Variants in NELL1 observed in about 807,000 individuals in gnomAD.
NELL1 encodes protein kinase C-binding protein NELL1.
In NELL1, 76 loss-of-function variants were observed where a neutral mutation model predicts 107.4. The observed-to-expected ratio is 0.71, with a 90% confidence interval of 0.59 to 0.86. The LOEUF (loss-of-function observed/expected upper bound fraction) is 0.86. Among genes scored for constraint, NELL1 ranks in the 40% least tolerant of loss-of-function variants. NELL1 has a pLI of 0.00. For missense variants in NELL1, 1,024 were observed against 1,005.5 expected, an observed-to-expected ratio of 1.02 and a Z score of -0.25; for synonymous variants, 353 against 341.2, an observed-to-expected ratio of 1.03 and a Z score of -0.38.
intron 13 of NELL1, among the ~76,000 whole-genome samples, chr11:21,221,598 C>T (rs958182158): frequency 1.8e-4 from 27 of 152,094 alleles, no homozygotes; most frequent in African/African-American, 6.5e-4. Context: ...TTTCTTTCTG[C>T]TTTAAAATTG....
chr11:20,833,734 A>C (rs1159496055), intron 3 of NELL1, among the ~76,000 whole-genome samples: 1 of 152,144 alleles, frequency 6.6e-6, no homozygotes, highest in Non-Finnish European at 1.5e-5. Context: ...GGGAGGTGAC[A>C]TTTAAAGTGA....
intron 4 of NELL1, among the ~76,000 whole-genome samples, chr11:20,878,176 C>T (rs943757466): frequency 8.6e-5 from 13 of 151,648 alleles, no homozygotes; most frequent in East Asian, 1.9e-4. Flanking sequence ...CTGGCTAACA[C>T]GGTGAAAACC....
At chr11:21,538,072 A>G (rs1442091378) in intron 16 of NELL1, among the ~76,000 whole-genome samples, 1 of 152,146 alleles carries the variant, frequency 6.6e-6, no homozygotes, top group East Asian at 1.9e-4. Flanking sequence ...ATCAACCACT[A>G]ATGCTTACAT....
At chr11:20,940,881 T>C (rs1850838713) in intron 10 of NELL1, among the ~76,000 whole-genome samples, 1 of 152,124 alleles carries the variant, frequency 6.6e-6, no homozygotes, top group African/African-American at 2.4e-5. Context: ...CTTATGCCTG[T>C]AATCCCAGCA....
intron 13 of NELL1, among the ~76,000 whole-genome samples, chr11:21,184,441 T>G (rs959168153): frequency 2.0e-5 from 3 of 151,666 alleles, no homozygotes; most frequent in Non-Finnish European, 1.5e-5. Context: ...GGCTAAATTC[T>G]GTATTTTTAG....
At chr11:21,280,134 A>G (rs1480609002) in intron 14 of NELL1, among the ~76,000 whole-genome samples, 3 of 152,194 alleles carry the variant, frequency 2.0e-5, no homozygotes, top group Non-Finnish European at 4.4e-5. Context: ...ACAATGGTGG[A>G]TACCTATCAT....
intron 2 of NELL1, among the ~76,000 whole-genome samples, chr11:20,782,474 T>C (rs1856870585): frequency 6.6e-6 from 1 of 152,210 alleles, no homozygotes; most frequent in Non-Finnish European, 1.5e-5. Context: ...GGGAAGGTTC[T>C]AAGAGATCAC....
intron 2 of NELL1, among the ~76,000 whole-genome samples, chr11:20,722,022 T>A (rs141785527): frequency 0.63 from 87,993 of 139,232 alleles, 30,014 homozygotes; most frequent in East Asian, 0.92. Flanking sequence ...AGTCTCTCTT[T>A]TTTTTTTTTT....
chr11:20,745,674 T>C (rs950077697), intron 2 of NELL1, among the ~76,000 whole-genome samples: 6 of 152,166 alleles, frequency 3.9e-5, no homozygotes, highest in African/African-American at 1.4e-4. Flanking sequence ...ACTCATGCAA[T>C]TAATAAAAGG....
At chr11:21,250,909 G>A (rs1858621028) in intron 14 of NELL1, among the ~76,000 whole-genome samples, 1 of 152,100 alleles carries the variant, frequency 6.6e-6, no homozygotes, top group African/African-American at 2.4e-5. Flanking sequence ...CACTCTGGTT[G>A]GGAAGCTCTT....
intron 14 of NELL1, among the ~76,000 whole-genome samples, chr11:21,370,351 T>A (rs144122176): frequency 6.6e-6 from 1 of 152,220 alleles, no homozygotes; most frequent in African/African-American, 2.4e-5. Flanking sequence ...ACAGCTTATA[T>A]ATTCAAATGT....
chr11:21,348,710 C>CA (rs1433488655), intron 14 of NELL1, among the ~76,000 whole-genome samples: 2 of 151,824 alleles, frequency 1.3e-5, no homozygotes, highest in Non-Finnish European at 2.9e-5. Context: ...TAGCATGGAG[C>CA]AAAAAATGAC....
In NELL1 at chr11:20,906,643, C is replaced by T. The variant is rs538921161; in HGVS notation, c.604-11539C>T. On this transcript the variant is annotated intron_variant, in intron 5 of 19. Coordinates refer to ENST00000357134, the MANE Select transcript of NELL1 (RefSeq NM_006157.5). Reference sequence around the variant, plus strand: ...CCAACAGTGTATTAAAAGGATTATGCACTATGCCCAAGTGGGATTTATCCC... The same window carrying T: ...CCAACAGTGTATTAAAAGGATTATGTACTATGCCCAAGTGGGATTTATCCC... 9.9e-5 allele frequency among the ~76,000 whole-genome samples: 15 copies of T among 152,110 alleles called. No individual in the cohort carries two copies. In the South Asian group the frequency reaches 3.1e-3, roughly 32 times the overall value.
chr11:21,053,853 C>A (rs554728458), intron 12 of NELL1, among the ~76,000 whole-genome samples: 3 of 152,096 alleles, frequency 2.0e-5, no homozygotes, highest in African/African-American at 7.2e-5. Flanking sequence ...CTTTCTGGAG[C>A]GAATGTGTCT....
At chr11:20,881,536 G>A (rs1849407409) in intron 4 of NELL1, among the ~76,000 whole-genome samples, 1 of 152,150 alleles carries the variant, frequency 6.6e-6, no homozygotes, top group East Asian at 1.9e-4. Flanking sequence ...TTGTTATGAG[G>A]ATTTAGTAAA....
chr11:20,740,055 T>C (rs1258548255), intron 2 of NELL1, among the ~76,000 whole-genome samples: 2 of 152,236 alleles, frequency 1.3e-5, no homozygotes, highest in African/African-American at 4.8e-5. Context: ...AAATAATCTC[T>C]GTTCTGGTGG....
At chr11:21,427,168 G>A (rs946106330) in intron 15 of NELL1, among the ~76,000 whole-genome samples, 2 of 152,100 alleles carry the variant, frequency 1.3e-5, no homozygotes, top group African/African-American at 2.4e-5. Flanking sequence ...TTTTCATGTC[G>A]CTATGTCTCA....
chr11:21,054,116 A>C (rs2134351850), intron 12 of NELL1, among the ~76,000 whole-genome samples: 1 of 152,298 alleles, frequency 6.6e-6, no homozygotes, highest in Non-Finnish European at 1.5e-5. Flanking sequence ...ACCTAGAGAT[A>C]AACCATAGTT....
intron 13 of NELL1, among the ~76,000 whole-genome samples, chr11:21,127,806 G>T (rs530212618): frequency 6.6e-6 from 1 of 152,046 alleles, no homozygotes; most frequent in Non-Finnish European, 1.5e-5. Context: ...TATTTCATAA[G>T]CATTGCCCAA....
Sources: gnomAD v4.1 joint callset for allele counts (sites outside exome capture counted in the v4.1 genomes callset) on GRCh38, gnomAD v4.1.1 for gene constraint, MANE v1.5 for transcripts, NCBI Gene and HGNC (gene_info 2026-07-23, HGNC 2026-07-21) for gene names.